Variants in UNC5A observed in about 807,000 individuals in gnomAD.
UNC5A encodes the protein netrin receptor UNC5A.
Under a neutral mutation model 87.4 loss-of-function variants are expected in UNC5A, and 20 were observed. The ratio of observed to expected loss-of-function variants is 0.23; its 90% CI spans 0.16 to 0.33. The LOEUF is 0.33. Among genes scored for constraint, UNC5A ranks in the 10% least tolerant of loss-of-function variants. The pLI is 1.00. For missense variants in UNC5A, 844 were observed against 1,133.4 expected, an observed-to-expected ratio of 0.74 and a Z score of 3.67; for synonymous variants, 438 against 482.3, an observed-to-expected ratio of 0.91 and a Z score of 1.20.
chr5:176,830,648 ATTTGTGTGTGTG>A (rs1320056683), intron 1 of UNC5A, among the ~76,000 whole-genome samples: 9 of 51,294 alleles, frequency 1.8e-4, no homozygotes, highest in African/African-American at 7.7e-4. Context: ...TGGCGTGTGC[ATTTGTGTGTGTG>A]TGCTGGTGTG....
intron 1 of UNC5A, among the ~76,000 whole-genome samples, chr5:176,842,584 A>G (rs940060802): frequency 6.6e-6 from 1 of 152,126 alleles, no homozygotes; most frequent in Admixed American, 6.5e-5. Flanking sequence ...ACTGGAGACT[A>G]TAAGTGAAGG....
chr5:176,818,605 G>C (rs989279463), intron 1 of UNC5A, among the ~76,000 whole-genome samples: 3 of 152,198 alleles, frequency 2.0e-5, no homozygotes, highest in African/African-American at 7.2e-5. Flanking sequence ...ACCGCAGGAA[G>C]TGGCAGAGCT....
chr5:176,842,135 T>C (rs1452741840), intron 1 of UNC5A, among the ~76,000 whole-genome samples: 1 of 152,240 alleles, frequency 6.6e-6, no homozygotes, highest in Non-Finnish European at 1.5e-5. Flanking sequence ...AGGCGGAGTT[T>C]GCAGTGAGCC....
intron 1 of UNC5A, among the ~76,000 whole-genome samples, chr5:176,819,749 G>A (rs1756682379): frequency 6.6e-6 from 1 of 152,222 alleles, no homozygotes; most frequent in African/African-American, 2.4e-5. Flanking sequence ...ATTAGGTTGG[G>A]CCGGAGCCAC....
chr5:176,813,056 G>A (rs1018966332), intron 1 of UNC5A, among the ~76,000 whole-genome samples: 4 of 152,202 alleles, frequency 2.6e-5, no homozygotes, highest in Admixed American at 6.5e-5. Flanking sequence ...CCCAGGCCAC[G>A]CGCCCACCCT....
intron 1 of UNC5A, among the ~76,000 whole-genome samples, chr5:176,829,867 C>G (rs1036842299): frequency 3.9e-5 from 3 of 76,904 alleles, no homozygotes; most frequent in Non-Finnish European, 1.0e-4. Flanking sequence ...CCTCTCACTT[C>G]CACATCACTG....
In UNC5A at chr5:176,875,552, T is replaced by G. The variant is rs1446760102; in HGVS notation, c.1378+986T>G. Among the ~76,000 whole-genome samples the G allele has an allele frequency of 6.6e-6, 1 of 152,140 alleles. No individual in the cohort carries two copies. The highest frequency in any genetic ancestry group is 2.4e-5 in the African/African-American group (1 of 41,416). The stretch of plus-strand genomic sequence containing the variant: ...TCTTGTCCTCCCTTGCTGCCTCTCC[T>G]GACACGGGCCACCAAACCCCTTACC... On this transcript the variant is annotated intron_variant, in intron 8 of 14. Transcript: ENST00000329542. The surrounding 1 kb of genome is among the most constrained non-coding windows in gnomAD (Gnocchi z 5.2).
intron 1 of UNC5A, among the ~76,000 whole-genome samples, chr5:176,834,817 C>T (rs1304233374): frequency 1.3e-5 from 2 of 152,112 alleles, no homozygotes; most frequent in Admixed American, 1.3e-4. Flanking sequence ...GAAGCTGTCT[C>T]CTGGTGCTAG....
Position 176,866,558 on chromosome 5 carries a change from C to T in UNC5A, c.293-1572C>T, listed in dbSNP as rs967727150. On this transcript the variant is annotated intron_variant, in intron 2 of 14. Transcript: ENST00000329542. This position sits in a 1 kb window ranked among gnomAD's most constrained non-coding sequence, Gnocchi z 5.0. The stretch of plus-strand genomic sequence containing the variant: ...ACAGCACCACGGGGGATGGAGGAAC[C>T]ATTAACAGACTTGTCCACCCAAGGG... 2.6e-5 allele frequency among the ~76,000 whole-genome samples: 4 copies of T among 152,196 alleles called. No homozygotes were observed. The highest frequency in any genetic ancestry group is 9.7e-5 in the African/African-American group (4 of 41,434).
At chr5:176,843,863 C>T (rs1226763653) in intron 1 of UNC5A, among the ~76,000 whole-genome samples, 1 of 152,230 alleles carries the variant, frequency 6.6e-6, no homozygotes, top group African/African-American at 2.4e-5. Context: ...TGGCCCCTGG[C>T]GTTCTGACAG....
rs371463267 is a variant in UNC5A, at chr5:176,877,303, G to A, written c.1466+24G>A. ...AGGTGTGGCCGCGGGCCCTGTTGCC[G>A]GGGGTGGGAGGGACCTGCCTGCTGC... On this transcript the variant is annotated intron_variant, in intron 9 of 14. Coordinates refer to ENST00000329542, the MANE Select transcript of UNC5A (RefSeq NM_133369.3). 115 of 1,592,344 alleles carry A rather than the reference G, an allele frequency of 7.2e-5. No homozygotes were observed. The African/African-American group carries it at 1.2e-3, about 16-fold the overall frequency.
chr5:176,816,705 AT>A (rs1756595973), intron 1 of UNC5A, among the ~76,000 whole-genome samples: 1 of 152,228 alleles, frequency 6.6e-6, no homozygotes, highest in Non-Finnish European at 1.5e-5. Flanking sequence ...ACCTCCTAGG[AT>A]TTTGTGCAGA....
rs1473688206 is a variant in UNC5A at position 176,875,684 on chromosome 5, A to G, written c.1378+1118A>G. 6.6e-6 allele frequency among the ~76,000 whole-genome samples: 1 copy of G among 152,066 alleles called. No individual in the cohort carries two copies. The highest frequency in any genetic ancestry group is 1.5e-5 in the Non-Finnish European group (1 of 68,004). The stretch of plus-strand genomic sequence containing the variant: ...CTCTGCCCCCTGCAAAGCCCACATG[A>G]TACCACAGAGAAGACCTGTCCCCTG... On this transcript the variant is annotated intron_variant, in intron 8 of 14. Coordinates refer to ENST00000329542, the MANE Select transcript of UNC5A (RefSeq NM_133369.3). This position sits in a 1 kb window ranked among gnomAD's most constrained non-coding sequence, Gnocchi z 5.2.
At chr5:176,858,701 G>A (rs1230271805) in intron 1 of UNC5A, among the ~76,000 whole-genome samples, 9 of 92,620 alleles carry the variant, frequency 9.7e-5, no homozygotes, top group South Asian at 4.0e-4. Flanking sequence ...CATGGAAAGC[G>A]AAAGAAAGAA....
intron 1 of UNC5A, among the ~76,000 whole-genome samples, chr5:176,840,011 C>A (rs929391324): frequency 6.6e-6 from 1 of 151,836 alleles, no homozygotes; most frequent in African/African-American, 2.4e-5. Flanking sequence ...CGCACGCCAC[C>A]ACGCCCTGCT....
In UNC5A at chr5:176,875,394, C is replaced by T. The variant is rs1171565605; in HGVS notation, c.1378+828C>T. On this transcript the variant is annotated intron_variant, in intron 8 of 14. Coordinates refer to ENST00000329542, the MANE Select transcript of UNC5A (RefSeq NM_133369.3). The surrounding 1 kb of genome is among the most constrained non-coding windows in gnomAD (Gnocchi z 5.2). ...CAGAGCCTCCCCATTCCTGGCTTCC[C>T]CCAGTTCACGGATCGTCTAGTTGCT... is the stretch of plus-strand genomic sequence containing the variant. 6.6e-6 allele frequency among the ~76,000 whole-genome samples: 1 copy of T among 152,096 alleles called. No homozygotes were observed. The highest frequency in any genetic ancestry group is 1.5e-5 in the Non-Finnish European group (1 of 68,014).
chr5:176,848,936 G>A lies in UNC5A; in HGVS notation c.71-13688G>A, dbSNP rs187312820. Among the ~76,000 whole-genome samples the A allele has an allele frequency of 2.2e-3, 334 of 152,372 alleles. 1 individual carries two copies. Among genetic ancestry groups the A allele is most frequent in the African/African-American group, 7.6e-3 (317 of 41,588 alleles). On this transcript the variant is annotated intron_variant, in intron 1 of 14. Transcript: ENST00000329542. The surrounding 1 kb of genome is among the most constrained non-coding windows in gnomAD (Gnocchi z 5.8). ...TCCTGCTACCCGCCCAGGTACCTGG[G>A]GCAATGGACAGCCGACCTCTCCGCC...
chr5:176,853,544 G>T (rs750560240), intron 1 of UNC5A, among the ~76,000 whole-genome samples: 1 of 152,236 alleles, frequency 6.6e-6, no homozygotes, highest in African/African-American at 2.4e-5. Context: ...ATCTCGGGGA[G>T]GTGGCTGCTG....
chr5:176,865,663 T>C lies in UNC5A; in HGVS notation c.293-2467T>C. ...TTACCCACGGCAGATACCACGGCAG[T>C]GGCGCCACGCCGCCAAAGACCAAAG... is the stretch of plus-strand genomic sequence containing the variant. On this transcript the variant is annotated intron_variant, in intron 2 of 14. Transcript: ENST00000329542. This position sits in a 1 kb window ranked among gnomAD's most constrained non-coding sequence, Gnocchi z 5.3. 2.2e-6 allele frequency: 1 copy of C among 456,686 alleles called. No individual in the cohort carries two copies. The highest frequency in any genetic ancestry group is 4.4e-6 in the Non-Finnish European group (1 of 226,990). The allele number at this position is 456,686 out of a possible 1,614,324, so 28.3% of individuals were successfully genotyped here.
Sources: gnomAD v4.1 joint callset for allele counts (sites outside exome capture counted in the v4.1 genomes callset) on GRCh38, gnomAD v4.1.1 for gene constraint, Gnocchi (gnomAD v3.1) non-coding constraint, MANE v1.5 for transcripts, NCBI Gene and HGNC (gene_info 2026-07-23, HGNC 2026-07-21) for gene names.